The following ADARB2 variants were observed in gnomAD, a reference collection of about 807,000 sequenced individuals.
The protein encoded by ADARB2 is adenosine deaminase RNA specific B2 (inactive), also known as inactive double-stranded RNA-specific editase B2.
A neutral mutation model predicts 62.2 loss-of-function variants in ADARB2; 25 were observed. The observed-to-expected ratio is 0.40, with a 90% CI of 0.29 to 0.56. The LOEUF is 0.56. Ranked by LOEUF, ADARB2 falls within the 20% of genes least tolerant of loss-of-function variation. The pLI is 0.43. For missense variants in ADARB2, 1,071 were observed against 1,077.4 expected, an observed-to-expected ratio of 0.99 and a Z score of 0.08; for synonymous variants, 572 against 500.8, an observed-to-expected ratio of 1.14 and a Z score of -1.90.
At chr10:1,379,451 C>A (rs1323637559) in intron 1 of ADARB2, among the ~76,000 whole-genome samples, 1 of 152,186 alleles carries the variant, frequency 6.6e-6, no homozygotes, top group Admixed American at 6.5e-5. Context: ...AGGGCGACAA[C>A]CTTGCATCTG....
At chr10:1,701,884 C>T (rs529203542) in intron 1 of ADARB2, among the ~76,000 whole-genome samples, 5 of 151,422 alleles carry the variant, frequency 3.3e-5, no homozygotes, top group South Asian at 4.2e-4. Context: ...GGAGACCAGG[C>T]GCTCGCCAAT....
chr10:1,587,468 G>A (rs554943220), intron 1 of ADARB2, among the ~76,000 whole-genome samples: 37 of 152,284 alleles, frequency 2.4e-4, no homozygotes, highest in African/African-American at 8.7e-4. Context: ...TGATCATGGT[G>A]TAGGTTCGGT....
intron 1 of ADARB2, among the ~76,000 whole-genome samples, chr10:1,560,445 G>A (rs1241289805): frequency 6.6e-6 from 1 of 150,926 alleles, no homozygotes; most frequent in Non-Finnish European, 1.5e-5. Context: ...ACCCTGGGTC[G>A]TCACACACGC....
At chr10:1,362,505 C>T (rs1021414144) in intron 3 of ADARB2, among the ~76,000 whole-genome samples, 3 of 152,196 alleles carry the variant, frequency 2.0e-5, no homozygotes, top group African/African-American at 7.2e-5. Context: ...CAGGAAGGAA[C>T]CGGAGGGGTC....
At chr10:1,462,550 T>C (rs1438869190) in intron 1 of ADARB2, among the ~76,000 whole-genome samples, 1 of 151,168 alleles carries the variant, frequency 6.6e-6, no homozygotes, top group Non-Finnish European at 1.5e-5. Flanking sequence ...TGTACATGAG[T>C]GTATGTGCCT....
intron 1 of ADARB2, among the ~76,000 whole-genome samples, chr10:1,736,806 C>G (rs1468653925): frequency 6.6e-6 from 1 of 152,208 alleles, no homozygotes; most frequent in East Asian, 1.9e-4. Context: ...CGCCCTCGCC[C>G]CACTTCGTCC....
At chr10:1,427,553 G>C (rs1832902855) in intron 1 of ADARB2, among the ~76,000 whole-genome samples, 1 of 152,238 alleles carries the variant, frequency 6.6e-6, no homozygotes, top group Admixed American at 6.5e-5. Context: ...AGAATGGCTT[G>C]ATTGAAAAGT....
At chr10:1,655,906 A>G (rs1834167712) in intron 1 of ADARB2, among the ~76,000 whole-genome samples, 1 of 152,270 alleles carries the variant, frequency 6.6e-6, no homozygotes, top group Non-Finnish European at 1.5e-5. Context: ...AAAAGAGCTT[A>G]TAAATTAGTG....
chr10:1,577,745 C>T (rs1250135339), intron 1 of ADARB2, among the ~76,000 whole-genome samples: 1 of 152,194 alleles, frequency 6.6e-6, no homozygotes, highest in Non-Finnish European at 1.5e-5. Context: ...GAGCTGTGTC[C>T]CCCAAAGTCC....
At chr10:1,492,438 G>A (rs1384092454) in intron 1 of ADARB2, among the ~76,000 whole-genome samples, 2 of 152,130 alleles carry the variant, frequency 1.3e-5, no homozygotes, top group African/African-American at 2.4e-5. Flanking sequence ...AGAGTACCAC[G>A]TGACGCTAAG....
intron 1 of ADARB2, among the ~76,000 whole-genome samples, chr10:1,588,550 T>A (rs1206741987): frequency 6.6e-6 from 1 of 152,200 alleles, no homozygotes; most frequent in Non-Finnish European, 1.5e-5. Context: ...CGCAGAAAGA[T>A]GGCACCAAGA....
At chr10:1,467,776 T>C (rs755253885) in intron 1 of ADARB2, among the ~76,000 whole-genome samples, 12 of 152,196 alleles carry the variant, frequency 7.9e-5, no homozygotes, top group African/African-American at 1.2e-4. Context: ...TAAAATCCCC[T>C]ACCACTTCCG....
intron 3 of ADARB2, among the ~76,000 whole-genome samples, chr10:1,358,676 A>C (rs1373913113): frequency 6.6e-6 from 1 of 151,982 alleles, no homozygotes; most frequent in African/African-American, 2.4e-5. Flanking sequence ...ACATTTGTAG[A>C]AAGTCATTCA....
chr10:1,671,271 T>C (rs571284670), intron 1 of ADARB2, among the ~76,000 whole-genome samples: 2 of 152,234 alleles, frequency 1.3e-5, no homozygotes, highest in East Asian at 3.9e-4. Flanking sequence ...CCGCTCCTCT[T>C]CCTCCTCAGA....
At chr10:1,605,327 C>T (rs551872821) in intron 1 of ADARB2, among the ~76,000 whole-genome samples, 4 of 152,340 alleles carry the variant, frequency 2.6e-5, no homozygotes, top group African/African-American at 4.8e-5. Context: ...TGTGATTCCA[C>T]GCAGCTCTTA....
At chr10:1,510,435 G>A (rs1040246768) in intron 1 of ADARB2, among the ~76,000 whole-genome samples, 2 of 152,054 alleles carry the variant, frequency 1.3e-5, no homozygotes, top group African/African-American at 2.4e-5. Flanking sequence ...TCCCTCCTCA[G>A]CATCCCAAAG....
intron 1 of ADARB2, among the ~76,000 whole-genome samples, chr10:1,530,234 C>G (rs1052950806): frequency 6.6e-6 from 1 of 152,228 alleles, no homozygotes; most frequent in Non-Finnish European, 1.5e-5. Flanking sequence ...CCGAAACGCC[C>G]CTCTCAGAGC....
intron 1 of ADARB2, among the ~76,000 whole-genome samples, chr10:1,454,114 A>T (rs1218733557): frequency 6.6e-6 from 1 of 152,214 alleles, no homozygotes; most frequent in Non-Finnish European, 1.5e-5. Flanking sequence ...AAGGGGAATG[A>T]GGAGCAAAGT....
At chr10:1,435,698 C>A (rs1227210981) in intron 1 of ADARB2, among the ~76,000 whole-genome samples, 1 of 152,210 alleles carries the variant, frequency 6.6e-6, no homozygotes, top group African/African-American at 2.4e-5. Flanking sequence ...AAACTCAGGC[C>A]TGCCTGCGTC....
Sources: gnomAD v4.1 joint callset for allele counts (sites outside exome capture counted in the v4.1 genomes callset) on GRCh38, gnomAD v4.1.1 for gene constraint, MANE v1.5 for transcripts, NCBI Gene and HGNC (gene_info 2026-07-23, HGNC 2026-07-21) for gene names.